Variants in PTPN21 observed in about 807,000 individuals in gnomAD.
The protein encoded by PTPN21 is protein tyrosine phosphatase non-receptor type 21, also known as tyrosine-protein phosphatase non-receptor type 21.
In PTPN21, 77 loss-of-function variants were observed where a neutral mutation model predicts 131.8. The ratio of observed to expected loss-of-function variants is 0.58; its 90% confidence interval spans 0.49 to 0.71. PTPN21 has a LOEUF of 0.71. Ranked by LOEUF, PTPN21 falls within the 30% of genes least tolerant of loss-of-function variation. The pLI, the probability that PTPN21 is intolerant of heterozygous loss-of-function variation, is 0.00. For synonymous variants in PTPN21, 715 were observed against 621.3 expected (o/e 1.15, Z -2.24); for missense variants, 1,552 against 1,527.1 (o/e 1.02, Z -0.27).
rs998789837 is a variant in PTPN21, at chr14:88,468,798, C to A, written c.3396+118G>T. ...CTTTTGCAGGGAACATTAGTAACAT[C>A]TTGAGGCCACCACAGTCCAAGGAAA... On this transcript the variant is annotated intron_variant, in intron 18 of 18. Transcript: ENST00000556564. 11 of 1,303,258 alleles carry A rather than the reference C, an allele frequency of 8.4e-6. No individual in the cohort carries two copies. In the South Asian group the frequency reaches 1.4e-4, roughly 17 times the overall value. The allele number at this position is 1,303,258 out of a possible 1,614,324, so 80.7% of individuals were successfully genotyped here. A position where few individuals can be genotyped will look rare whatever the true frequency, so the allele number is the denominator to read the frequency against.
Position 88,469,369 on chromosome 14 carries a change from T to G in PTPN21, c.3235+130A>C. Reference sequence around the variant, plus strand: ...TTAACCCTCCCCAAAACACTTGTATTCTTTATGTTAAAACAAGTCCGAAGC... The same window carrying G: ...TTAACCCTCCCCAAAACACTTGTATGCTTTATGTTAAAACAAGTCCGAAGC... On this transcript the variant is annotated intron_variant, in intron 17 of 18. Transcript: ENST00000556564. This position sits in a 1 kb window ranked among gnomAD's most constrained non-coding sequence, Gnocchi z 4.3. The G allele has an allele frequency of 1.1e-6, 1 of 880,724 alleles. No individual in the cohort carries two copies. Among genetic ancestry groups the G allele is most frequent in the Admixed American group, 2.6e-5 (1 of 38,890 alleles). The allele number at this position is 880,724 out of a possible 1,614,324, so 54.6% of individuals were successfully genotyped here.
intron 10 of PTPN21, among the ~76,000 whole-genome samples, chr14:88,486,977 C>CAAAA (rs1198956976): frequency 3.7e-5 from 2 of 54,624 alleles, no homozygotes; most frequent in African/African-American, 1.2e-4. Flanking sequence ...ATTCTAGCCT[C>CAAAA]AAAAAAAAAA....
intron 4 of PTPN21, among the ~76,000 whole-genome samples, chr14:88,507,591 T>A (rs2078111196): frequency 1.3e-5 from 2 of 152,222 alleles, no homozygotes; most frequent in Non-Finnish European, 2.9e-5. Flanking sequence ...GGGACCACTG[T>A]CCTATATGAG....
chr14:88,507,048 C>CA (rs34922069), intron 4 of PTPN21, among the ~76,000 whole-genome samples: 9,513 of 145,748 alleles, frequency 0.065, 429 homozygotes, highest in Non-Finnish European at 0.091. Flanking sequence ...GACTCCATCT[C>CA]AAAAAAAAAA....
chr14:88,521,392 A>G (rs577415846), intron 2 of PTPN21, among the ~76,000 whole-genome samples: 2 of 152,050 alleles, frequency 1.3e-5, no homozygotes, highest in South Asian at 2.1e-4. Context: ...CTGTTTTGGT[A>G]AGTTAACAGC....
intron 7 of PTPN21, 136 bp from the exon 8 acceptor site, chr14:88,501,007 C>T (rs1206300249): frequency 8.8e-6 from 6 of 683,304 alleles, no homozygotes; most frequent in Non-Finnish European, 1.5e-5. Context: ...AGACAAAAGT[C>T]TGAATGAGAT....
At chr14:88,494,948 G>A (rs1182877148) in intron 10 of PTPN21, among the ~76,000 whole-genome samples, 1 of 136,772 alleles carries the variant, frequency 7.3e-6, no homozygotes, top group East Asian at 2.3e-4. Context: ...GGGAGGCGGA[G>A]GTTGCAGTGA....
intron 15 of PTPN21, 63 bp from the exon 16 acceptor site, chr14:88,470,113 T>A: frequency 6.5e-7 from 1 of 1,527,076 alleles, no homozygotes. Context: ...TATGTATGCA[T>A]GCATTCATGG....
At chr14:88,541,699 G>C (rs147883982) in intron 2 of PTPN21, among the ~76,000 whole-genome samples, 36 of 152,230 alleles carry the variant, frequency 2.4e-4, no homozygotes, top group African/African-American at 7.7e-4. Context: ...CCCTTCCTGA[G>C]ACCTAAAGAT....
chr14:88,529,120 A>G (rs1420703518), intron 2 of PTPN21, among the ~76,000 whole-genome samples: 1 of 152,194 alleles, frequency 6.6e-6, no homozygotes, highest in African/African-American at 2.4e-5. Context: ...GGTTTGTCAT[A>G]GATGGCTTTT....
chr14:88,482,443 GGA>G (rs1169029659), intron 12 of PTPN21, among the ~76,000 whole-genome samples: 5 of 152,070 alleles, frequency 3.3e-5, no homozygotes, highest in Non-Finnish European at 7.4e-5. Context: ...TGACCAACAC[GGA>G]GAGACCCCAT....
rs749625624 is a variant in PTPN21 at position 88,497,290 on chromosome 14, C to T, written c.765G>A (p.Arg255=). ...HKNGRHPVVF[R]WHDIANMSHN... ...GGGACATGTTGGCAATGTCATGCCA[C>T]CTAAAGAACAGCAAATAGAGAACTG... is the stretch of plus-strand genomic sequence containing the variant. The change falls in exon 9 of 19, where the codon AGG becomes AGA. Residue 255 remains arginine, a splice_region_variant and synonymous_variant. Transcript: ENST00000556564. 1.9e-6 allele frequency: 3 copies of T among 1,610,556 alleles called. No homozygotes were observed. Among genetic ancestry groups the T allele is most frequent in the Non-Finnish European group, 2.5e-6 (3 of 1,176,958 alleles).
rs977786772 is a variant in PTPN21 at position 88,493,302 on chromosome 14, G to A, written c.932+3111C>T. ...CTTTCAGAGTGGTGTCAAGGACTAA[G>A]CAAACTGAATGTTTGGTGGTGTCTA... On this transcript the variant is annotated intron_variant, in intron 10 of 18. Coordinates refer to ENST00000556564, the MANE Select transcript of PTPN21 (RefSeq NM_007039.4). 4.9e-5 allele frequency: 16 copies of A among 324,326 alleles called. 1 individual carries two copies. The highest frequency in any genetic ancestry group is 3.2e-4 in the South Asian group (13 of 40,876). The allele number at this position is 324,326 out of a possible 1,614,324, so 20.1% of individuals were successfully genotyped here.
intron 4 of PTPN21, among the ~76,000 whole-genome samples, chr14:88,506,129 A>G (rs946445899): frequency 5.3e-5 from 8 of 152,126 alleles, no homozygotes; most frequent in Non-Finnish European, 1.2e-4. Context: ...AGCTTGAGCC[A>G]AAGAGTCTGA....
At chr14:88,468,811 C>T (rs1566803629) in intron 18 of PTPN21, 105 bp downstream of exon 18, 1 of 1,432,616 alleles carries the variant, frequency 7.0e-7, no homozygotes, top group East Asian at 2.3e-5. Flanking sequence ...GAGGCCACCA[C>T]AGTCCAAGGA....
At chr14:88,482,065 C>T (rs1179414117) in intron 12 of PTPN21, among the ~76,000 whole-genome samples, 1 of 152,216 alleles carries the variant, frequency 6.6e-6, no homozygotes, top group African/African-American at 2.4e-5. Context: ...TTATTACTTC[C>T]CTGAGAGTTT....
intron 12 of PTPN21, among the ~76,000 whole-genome samples, chr14:88,480,577 G>T (rs2077639392): frequency 6.6e-6 from 1 of 152,058 alleles, no homozygotes; most frequent in African/African-American, 2.4e-5. Flanking sequence ...GCATTCATTG[G>T]GTGACAAAGT....
In PTPN21 at chr14:88,468,180, T is replaced by C. The variant is rs764571520; in HGVS notation, c.3482A>G (p.Tyr1161Cys). 1.2e-6 allele frequency: 2 copies of C among 1,613,508 alleles called. No homozygotes were observed. Among genetic ancestry groups the C allele is most frequent in the Non-Finnish European group, 1.7e-6 (2 of 1,179,572 alleles). The change falls in exon 19 of 19, where the codon TAC (tyrosine) becomes TGC (cysteine). Residue 1161 changes from tyrosine (Y) to cysteine (C), a missense_variant. Transcript: ENST00000556564. The part of the protein sequence containing the change: ...VQTLCQYTFV[Y>C]RVLIQFLKSS... ...TTTCAGGAACTGGATGAGGACTCTG[T>C]ACACAAATGTGTACTGGCAGAGAGT... is the stretch of plus-strand genomic sequence containing the variant.
intron 10 of PTPN21, among the ~76,000 whole-genome samples, chr14:88,488,940 A>T (rs1469447592): frequency 6.6e-6 from 1 of 152,218 alleles, no homozygotes; most frequent in Admixed American, 6.5e-5. Flanking sequence ...CACCAAACCC[A>T]TAAGGGAGGT....
Sources: gnomAD v4.1 joint callset for allele counts (sites outside exome capture counted in the v4.1 genomes callset) on GRCh38, gnomAD v4.1.1 for gene constraint, Gnocchi (gnomAD v3.1) non-coding constraint, MANE v1.5 for transcripts, NCBI Gene and HGNC (gene_info 2026-07-23, HGNC 2026-07-21) for gene names.